The following WNT2 variants were observed in gnomAD, a reference collection of about 807,000 sequenced individuals.
WNT2 encodes Wnt family member 2.
In WNT2, 12 loss-of-function variants were observed where a neutral mutation model predicts 36.9. The ratio of observed to expected loss-of-function variants is 0.33; its 90% CI spans 0.21 to 0.53. WNT2 has a LOEUF of 0.53. Among genes scored for constraint, WNT2 ranks in the 20% least tolerant of loss-of-function variants. WNT2 has a pLI of 0.95. For synonymous variants in WNT2, 163 were observed against 174.6 expected (o/e 0.93, Z 0.52); for missense variants, 379 against 473.1 (o/e 0.80, Z 1.84).
At position 117,276,710 on chromosome 7, in the gene WNT2, T is replaced by A. The variant is rs1248397366; in HGVS notation, c.*1445A>T. The A allele has an allele frequency of 3.3e-5, 5 of 152,166 alleles. No individual in the cohort carries two copies. The highest frequency in any genetic ancestry group is 1.2e-4 in the African/African-American group (5 of 41,432). 9.4% of individuals were successfully genotyped at this position (152,166 alleles called of 1,614,324 possible). A position where few individuals can be genotyped will look rare whatever the true frequency, so the allele number is the denominator to read the frequency against. ...GTCATATACAGAATAAGAACCAAAT[T>A]TTTCAAGAAGACGAGAAGTAGCTAT... On this transcript the variant is annotated 3_prime_UTR_variant, in exon 5 of 5. Transcript: ENST00000265441.
At chr7:117,287,725 T>C (rs1424548365) in intron 4 of WNT2, among the ~76,000 whole-genome samples, 1 of 152,116 alleles carries the variant, frequency 6.6e-6, no homozygotes, top group Admixed American at 6.6e-5. Flanking sequence ...TGGTGGCTCA[T>C]GCTTGTAATA....
rs114351021 is a variant in WNT2 at position 117,293,596 on chromosome 7, A to G, written c.853+4016T>C. 5.6e-3 allele frequency among the ~76,000 whole-genome samples: 851 copies of G among 152,306 alleles called. 9 individuals carry two copies. Among genetic ancestry groups the G allele is most frequent in the African/African-American group, 0.02 (812 of 41,568 alleles). On this transcript the variant is annotated intron_variant, in intron 4 of 4. Transcript: ENST00000265441. ...GAGAAAATGAAAAACAAGAAATTCT[A>G]TATTAATTACTTGATTTAAATTTGA...
In WNT2 at chr7:117,277,936, C is replaced by T. The variant is rs1794408650; in HGVS notation, c.*219G>A. 6 of 581,130 alleles carry T rather than the reference C, an allele frequency of 1.0e-5. No individual in the cohort carries two copies. In the East Asian group the frequency reaches 1.7e-4, roughly 17 times the overall value. The allele number at this position is 581,130 out of a possible 1,614,324, so 36.0% of individuals were successfully genotyped here. On this transcript the variant is annotated 3_prime_UTR_variant, in exon 5 of 5. Coordinates refer to ENST00000265441, the MANE Select transcript of WNT2 (RefSeq NM_003391.3). ...GAGAACTCGCCAGGAGGGGAGATGA[C>T]TGCAGAACACCAGGAGATGGATAGA...
Position 117,297,745 on chromosome 7 carries a change from C to T in WNT2, c.720G>A (p.Gly240=), listed in dbSNP as rs769533053. The part of the protein sequence containing the change: ...TGDYLWRKYN[G]AIQVVMNQDG... ...CCTGGTTCATGACCACCTGGATGGC[C>T]CCATTGTACTTCCTCCAGAGATAAT... The change falls in exon 4 of 5, where the codon GGG becomes GGA. Residue 240 remains glycine (G), a synonymous_variant. Coordinates refer to ENST00000265441, the MANE Select transcript of WNT2 (RefSeq NM_003391.3). The T allele has an allele frequency of 1.2e-6, 2 of 1,614,048 alleles. No homozygotes were observed. The highest frequency in any genetic ancestry group is 1.7e-6 in the Non-Finnish European group (2 of 1,180,014).
intron 2 of WNT2, among the ~76,000 whole-genome samples, chr7:117,316,410 C>G (rs13247977): frequency 6.6e-6 from 1 of 152,060 alleles, no homozygotes; most frequent in Non-Finnish European, 1.5e-5. Flanking sequence ...ATGGTTGCTG[C>G]GGCAAATATA....
rs1795346736 is a variant in WNT2 at position 117,322,405 on chromosome 7, T to TA, written c.83+501dup. On this transcript the variant is annotated intron_variant, in intron 1 of 4. Transcript: ENST00000265441. The surrounding 1 kb of genome is among the most constrained non-coding windows in gnomAD (Gnocchi z 5.4). Reference sequence around the variant, plus strand: ...ACCTGGAATGTGGAAGGACGGGAAATAATACAAAGTCACACGCTTTAGGTT... The same window carrying TA: ...ACCTGGAATGTGGAAGGACGGGAAATAAATACAAAGTCACACGCTTTAGGTT... Among the ~76,000 whole-genome samples the TA allele has an allele frequency of 6.6e-6, 1 of 150,768 alleles. No individual in the cohort carries two copies. The highest frequency in any genetic ancestry group is 2.1e-4 in the South Asian group (1 of 4,764).
At chr7:117,316,451 A>C (rs919351168) in intron 2 of WNT2, among the ~76,000 whole-genome samples, 20 of 152,228 alleles carry the variant, frequency 1.3e-4, no homozygotes, top group African/African-American at 4.8e-4. Flanking sequence ...TGGATAACCT[A>C]ATGCCAATGC....
chr7:117,321,070 G>A (rs1052752720), intron 1 of WNT2, among the ~76,000 whole-genome samples: 1 of 152,198 alleles, frequency 6.6e-6, no homozygotes, highest in Non-Finnish European at 1.5e-5. Flanking sequence ...GCTCTGGGCA[G>A]GGGCACAGAG....
chr7:117,301,574 G>A (rs568921087), intron 3 of WNT2, among the ~76,000 whole-genome samples: 10 of 152,274 alleles, frequency 6.6e-5, no homozygotes, highest in Admixed American at 2.0e-4. Context: ...AATTATCACC[G>A]TCAGGCAAAG....
chr7:117,322,755 C>T lies in WNT2; in HGVS notation c.83+152G>A. The T allele has an allele frequency of 1.4e-6, 1 of 725,686 alleles. No homozygotes were observed. The highest frequency in any genetic ancestry group is 2.7e-5 in the East Asian group (1 of 36,414). 45.0% of individuals were successfully genotyped at this position (725,686 alleles called of 1,614,324 possible). On this transcript the variant is annotated intron_variant, in intron 1 of 4. Coordinates refer to ENST00000265441, the MANE Select transcript of WNT2 (RefSeq NM_003391.3). This position sits in a 1 kb window ranked among gnomAD's most constrained non-coding sequence, Gnocchi z 5.4. ...CTTCTGGGAAAAGAGAAGGGGCTCA[C>T]CATGGGGCGATAAGAGGGCAGTAGC...
At chr7:117,280,824 C>G (rs983465044) in intron 4 of WNT2, among the ~76,000 whole-genome samples, 4 of 152,232 alleles carry the variant, frequency 2.6e-5, no homozygotes, top group Non-Finnish European at 5.9e-5. Context: ...TAAATGTTAA[C>G]TATCCATATC....
chr7:117,296,058 A>G (rs1794784406), intron 4 of WNT2, among the ~76,000 whole-genome samples: 1 of 152,216 alleles, frequency 6.6e-6, no homozygotes, highest in Non-Finnish European at 1.5e-5. Context: ...TAGGACTTAA[A>G]TGATCAAGAC....
intron 4 of WNT2, among the ~76,000 whole-genome samples, chr7:117,295,402 T>C (rs1257909464): frequency 6.6e-6 from 1 of 152,202 alleles, no homozygotes; most frequent in Non-Finnish European, 1.5e-5. Context: ...TTCTTTCTAA[T>C]ACAAAGAGTT....
In WNT2 at chr7:117,315,182, A is replaced by G; in HGVS notation, c.477T>C (p.Asp159=). ...CAAATTTGATCCCATAGTCAATGTT[A>G]TCACTGCAGCCACCCCAATCAAAAA... ...KGIFDWGGCS[D]NIDYGIKFAR... is the part of the protein sequence containing the mutation. Residue 159 remains aspartate, a synonymous_variant, in exon 3 of 5, where the codon GAT becomes GAC. Transcript: ENST00000265441. 1 of 1,614,162 alleles carries G rather than the reference A, an allele frequency of 6.2e-7. No homozygotes were observed. Among genetic ancestry groups the G allele is most frequent in the Non-Finnish European group, 8.5e-7 (1 of 1,180,026 alleles).
At chr7:117,320,934 A>G (rs1795313296) in intron 1 of WNT2, 141 bp from the exon 2 acceptor site, 2 of 790,800 alleles carry the variant, frequency 2.5e-6, no homozygotes, top group African/African-American at 3.4e-5. Flanking sequence ...AAGCAAGGGT[A>G]TTTACTTTTT....
In WNT2 at chr7:117,315,363, CT is replaced by C; in HGVS notation, c.311-16del. 1.2e-6 allele frequency: 2 copies of C among 1,607,368 alleles called. No individual in the cohort carries two copies. The highest frequency in any genetic ancestry group is 1.7e-6 in the Non-Finnish European group (2 of 1,176,976). ...TTCCCGACTACCTGAAACAAAAATG[CT>C]TTTCTTAAAAGTGGTCCGGTAGCAC... On this transcript the variant is annotated splice_polypyrimidine_tract_variant and intron_variant, in intron 2 of 4. Transcript: ENST00000265441.
In WNT2 at chr7:117,275,664, T is replaced by A. The variant is rs1794346236; in HGVS notation, c.*2491A>T. Among the ~76,000 whole-genome samples, 1 of 152,250 alleles carries A rather than the reference T, an allele frequency of 6.6e-6. No individual in the cohort carries two copies. The highest frequency in any genetic ancestry group is 2.4e-5 in the African/African-American group (1 of 41,476). The stretch of plus-strand genomic sequence containing the variant: ...AGTGTATTTCAGGTTCCTGGAATAC[T>A]GATCCTCTACCAAGCTCTAAGGCAA... On this transcript the variant is annotated 3_prime_UTR_variant, in exon 5 of 5. Transcript: ENST00000265441.
chr7:117,294,449 G>GA (rs769869948), intron 4 of WNT2, among the ~76,000 whole-genome samples: 1 of 152,004 alleles, frequency 6.6e-6, no homozygotes, highest in Non-Finnish European at 1.5e-5. Context: ...GAATTAAAAA[G>GA]AAATATTGCA....
intron 4 of WNT2, among the ~76,000 whole-genome samples, chr7:117,289,092 C>G (rs767922775): frequency 1.7e-5 from 2 of 116,934 alleles, no homozygotes; most frequent in Non-Finnish European, 3.2e-5. Context: ...CAGAGTCTTG[C>G]TCTGTTGCTC....
Sources: allele counts gnomAD v4.1 joint callset (sites outside exome capture counted in the v4.1 genomes callset), GRCh38; gene constraint gnomAD v4.1.1; non-coding constraint Gnocchi (gnomAD v3.1); transcripts MANE v1.5; gene names NCBI Gene and HGNC (gene_info 2026-07-23, HGNC 2026-07-21).